UMAD1: variants seen among roughly 807,000 people sequenced by gnomAD.
The protein encoded by UMAD1 is UBAP1-MVB12-associated (UMA) domain containing 1.
Under a neutral mutation model 6.1 loss-of-function variants are expected in UMAD1, and 8 were observed. The observed-to-expected ratio is 1.30, with a 90% CI of 0.76 to 2.35. The LOEUF (loss-of-function observed/expected upper bound fraction) is 2.35. Ranked by LOEUF, UMAD1 falls within the 30% of genes most tolerant of loss-of-function variation. The pLI is 0.00. For synonymous variants in UMAD1, 56 were observed against 31.4 expected, an observed-to-expected ratio of 1.78 and a Z score of -2.61; for missense variants, 130 against 78.4, an observed-to-expected ratio of 1.66 and a Z score of -2.49.
At chr7:7,839,374 C>G (rs1001566235) in intron 3 of UMAD1, among the ~76,000 whole-genome samples, 1 of 151,984 alleles carries the variant, frequency 6.6e-6, no homozygotes, top group East Asian at 1.9e-4. Flanking sequence ...TCATGCCAGG[C>G]TAATTTAAAA....
intron 1 of UMAD1, among the ~76,000 whole-genome samples, chr7:7,649,032 C>T (rs1472420320): frequency 6.6e-6 from 1 of 151,744 alleles, no homozygotes; most frequent in African/African-American, 2.4e-5. Context: ...GTGGCGGATG[C>T]CTGTAATCCC....
In UMAD1 at chr7:7,825,703, T is replaced by C. The variant is rs141179038; in HGVS notation, c.156+23960T>C. 3.8e-3 allele frequency among the ~76,000 whole-genome samples: 578 copies of C among 152,286 alleles called. 3 individuals are homozygous for C. The highest frequency in any genetic ancestry group is 3.7e-3 in the Non-Finnish European group (250 of 68,016). ...CAAAGAATGAATAATATTGGCATGATATATTTTATAACAAATATGCACTTT... is the reference window on the plus strand; with the variant it reads ...CAAAGAATGAATAATATTGGCATGACATATTTTATAACAAATATGCACTTT... On this transcript the variant is annotated intron_variant, in intron 3 of 3. Coordinates refer to ENST00000682710, the MANE Select transcript of UMAD1 (RefSeq NM_001302348.2).
chr7:7,660,709 C>T (rs1785453619), intron 1 of UMAD1, among the ~76,000 whole-genome samples: 1 of 152,206 alleles, frequency 6.6e-6, no homozygotes, highest in Admixed American at 6.5e-5. Flanking sequence ...GGTAACCCAG[C>T]CTTTCTCTCT....
At chr7:7,656,776 C>T (rs185164190) in intron 1 of UMAD1, among the ~76,000 whole-genome samples, 6 of 152,118 alleles carry the variant, frequency 3.9e-5, no homozygotes, top group Non-Finnish European at 5.9e-5. Flanking sequence ...AATAAACATA[C>T]GTGCGCATGT....
chr7:7,796,416 T>A (rs897881511), intron 2 of UMAD1, among the ~76,000 whole-genome samples: 4 of 151,824 alleles, frequency 2.6e-5, no homozygotes, highest in Admixed American at 2.6e-4. Context: ...CGCACCCGGC[T>A]AATTTTGCAT....
chr7:7,694,162 A>G (rs1780248220), intron 2 of UMAD1, among the ~76,000 whole-genome samples: 1 of 152,190 alleles, frequency 6.6e-6, no homozygotes. Flanking sequence ...GAAGGAATGA[A>G]GCATGTTTTC....
At chr7:7,669,320 TC>T (rs913913771) in intron 1 of UMAD1, among the ~76,000 whole-genome samples, 22 of 152,146 alleles carry the variant, frequency 1.4e-4, no homozygotes, top group Non-Finnish European at 2.9e-5. Context: ...TTGTAGTTAT[TC>T]CCCTTCGCCT....
intron 3 of UMAD1, among the ~76,000 whole-genome samples, chr7:7,803,640 G>C (rs1205011514): frequency 6.6e-6 from 1 of 151,638 alleles, no homozygotes; most frequent in Non-Finnish European, 1.5e-5. Context: ...TATTTCTTTA[G>C]TTCTGGAGGC....
chr7:7,826,435 A>G (rs146388976), intron 3 of UMAD1, among the ~76,000 whole-genome samples: 319 of 152,290 alleles, frequency 2.1e-3, no homozygotes, highest in Non-Finnish European at 3.5e-3. Flanking sequence ...GAGTGGATCA[A>G]CTGTCCACTT....
chr7:7,860,102 G>A (rs1784086169), intron 3 of UMAD1, among the ~76,000 whole-genome samples: 1 of 152,132 alleles, frequency 6.6e-6, no homozygotes, highest in South Asian at 2.1e-4. Context: ...AATAACCACA[G>A]AAAAGTATTG....
At chr7:7,820,195 G>GTATGAGATCTGAGGAAGATATAT (rs146413680) in intron 3 of UMAD1, among the ~76,000 whole-genome samples, 102,619 of 151,774 alleles carry the variant, frequency 0.68, 35,125 homozygotes, top group Non-Finnish European at 0.73. Flanking sequence ...ATACAGGAGA[G>GTATGAGATCTGAGGAAGATATAT]TATGAGAATT....
At chr7:7,698,597 AGGCAG>A (rs1780373788) in intron 2 of UMAD1, among the ~76,000 whole-genome samples, 2 of 151,942 alleles carry the variant, frequency 1.3e-5, no homozygotes, top group Non-Finnish European at 2.9e-5. Flanking sequence ...GATCCTGTTT[AGGCAG>A]TTGATTCCAC....
intron 3 of UMAD1, among the ~76,000 whole-genome samples, chr7:7,874,438 A>G (rs1017821889): frequency 9.8e-5 from 15 of 152,342 alleles, no homozygotes; most frequent in African/African-American, 3.6e-4. Flanking sequence ...CTAACATGCA[A>G]CAATTTAGAT....
intron 2 of UMAD1, chr7:7,741,951 T>C (rs1278812745): frequency 7.3e-6 from 2 of 274,658 alleles, no homozygotes; most frequent in South Asian, 4.0e-5. Context: ...TTTATAGTTA[T>C]AGTGTTGAAA....
At chr7:7,722,836 C>G (rs1159485631) in intron 2 of UMAD1, among the ~76,000 whole-genome samples, 1 of 152,184 alleles carries the variant, frequency 6.6e-6, no homozygotes, top group Non-Finnish European at 1.5e-5. Context: ...GACCCTGCAA[C>G]TTGGAATGGG....
chr7:7,654,042 A>T (rs1785286000), intron 1 of UMAD1, among the ~76,000 whole-genome samples: 1 of 152,182 alleles, frequency 6.6e-6, no homozygotes, highest in Admixed American at 6.5e-5. Flanking sequence ...TGTTTTTCAT[A>T]TTGTGAATAA....
intron 2 of UMAD1, among the ~76,000 whole-genome samples, chr7:7,768,771 A>G (rs980664280): frequency 6.6e-6 from 1 of 152,242 alleles, no homozygotes; most frequent in Non-Finnish European, 1.5e-5. Context: ...AAATGAATGC[A>G]TAGTATATTA....
At chr7:7,787,001 C>A (rs1358971991) in intron 2 of UMAD1, among the ~76,000 whole-genome samples, 2 of 152,168 alleles carry the variant, frequency 1.3e-5, no homozygotes, top group Non-Finnish European at 2.9e-5. Flanking sequence ...AGCCTTAAAA[C>A]AACTTATTAG....
chr7:7,763,008 G>A (rs1484441109), intron 2 of UMAD1, among the ~76,000 whole-genome samples: 1 of 152,052 alleles, frequency 6.6e-6, no homozygotes, highest in Non-Finnish European at 1.5e-5. Flanking sequence ...TAAAACAGGA[G>A]TTTTATGTTT....
Sources: gnomAD v4.1 joint callset for allele counts (sites outside exome capture counted in the v4.1 genomes callset) on GRCh38, gnomAD v4.1.1 for gene constraint, MANE v1.5 for transcripts, NCBI Gene and HGNC (gene_info 2026-07-23, HGNC 2026-07-21) for gene names.